The following CD226 variants were observed in gnomAD, a reference collection of about 807,000 sequenced individuals.
CD226 encodes CD226 antigen.
A neutral mutation model predicts 34.9 loss-of-function variants in CD226; 24 were observed. The observed-to-expected ratio is 0.69, with a 90% CI of 0.50 to 0.97. The LOEUF is 0.97. CD226 is among the 50% of genes least tolerant of loss of function. CD226 has a pLI of 0.00. For synonymous variants in CD226, 148 were observed against 147.4 expected, an observed-to-expected ratio of 1.00 and a Z score of -0.03; for missense variants, 397 against 412.7, an observed-to-expected ratio of 0.96 and a Z score of 0.33.
At chr18:69,923,352 T>C (rs995647091) in intron 2 of CD226, among the ~76,000 whole-genome samples, 11 of 151,818 alleles carry the variant, frequency 7.2e-5, no homozygotes, top group African/African-American at 2.4e-4. Flanking sequence ...GGGCCAGGAG[T>C]GGGATCAATG....
chr18:69,865,228 G>A (rs1294780052), intron 5 of CD226, among the ~76,000 whole-genome samples: 2 of 152,058 alleles, frequency 1.3e-5, no homozygotes, highest in Non-Finnish European at 2.9e-5. Flanking sequence ...GACCTCAGAC[G>A]ATCCGCCCAC....
chr18:69,881,416 C>T (rs1433185222), intron 3 of CD226, among the ~76,000 whole-genome samples: 1 of 152,140 alleles, frequency 6.6e-6, no homozygotes, highest in East Asian at 1.9e-4. Context: ...GGGGCCTAGT[C>T]CTGTCTTCTA....
intron 2 of CD226, among the ~76,000 whole-genome samples, chr18:69,924,450 A>T (rs1426456947): frequency 6.6e-6 from 1 of 152,108 alleles, no homozygotes; most frequent in African/African-American, 2.4e-5. Flanking sequence ...AAATTTTTGC[A>T]TAATTACAAA....
intron 2 of CD226, among the ~76,000 whole-genome samples, chr18:69,932,834 G>A (rs948602508): frequency 4.6e-5 from 7 of 151,908 alleles, no homozygotes; most frequent in African/African-American, 7.3e-5. Context: ...ACCAATTCCC[G>A]TCCTCTGCAC....
chr18:69,911,717 T>G (rs770068027), intron 2 of CD226, among the ~76,000 whole-genome samples: 2 of 152,246 alleles, frequency 1.3e-5, no homozygotes, highest in Non-Finnish European at 2.9e-5. Flanking sequence ...GTATTACTTT[T>G]TCATGTATTT....
Position 69,896,110 on chromosome 18 carries a change from A to G in CD226, c.383-65T>C, listed in dbSNP as rs1246716367. 4 of 1,529,470 alleles carry G rather than the reference A, an allele frequency of 2.6e-6. No individual in the cohort carries two copies. The Admixed American group carries it at 5.9e-5, about 23-fold the overall frequency. 94.7% of individuals were successfully genotyped at this position (1,529,470 alleles called of 1,614,324 possible). A position where few individuals can be genotyped will look rare whatever the true frequency, so the allele number is the denominator to read the frequency against. On this transcript the variant is annotated intron_variant, in intron 2 of 5. Transcript: ENST00000582621. ...ATTTTGGGACACCCAACTGGAAGAT[A>G]CTTAATCATAAAAATAATTGGTGAT...
At chr18:69,882,947 C>T in intron 3 of CD226, among the ~76,000 whole-genome samples, 1 of 152,198 alleles carries the variant, frequency 6.6e-6, no homozygotes, top group Non-Finnish European at 1.5e-5. Flanking sequence ...GGATTACAGG[C>T]AGGAGCCACC....
At chr18:69,957,350 C>CTTTTTTT (rs11373057), upstream of CD226, among the ~76,000 whole-genome samples, 3 of 149,556 alleles carry the variant, frequency 2.0e-5, no homozygotes, top group Non-Finnish European at 4.5e-5. Flanking sequence ...TCTAGATACT[C>CTTTTTTT]TTTTTTTTTT....
At chr18:69,935,612 G>A (rs577536361) in intron 2 of CD226, among the ~76,000 whole-genome samples, 2 of 152,288 alleles carry the variant, frequency 1.3e-5, no homozygotes, top group East Asian at 3.9e-4. Context: ...CTCATGTTGT[G>A]GTTGGCAGCC....
chr18:69,878,831 A>C (rs2145203398), intron 3 of CD226, among the ~76,000 whole-genome samples: 1 of 152,274 alleles, frequency 6.6e-6, no homozygotes, highest in Non-Finnish European at 1.5e-5. Context: ...CAAGAAACAA[A>C]AGCAAAATCA....
intron 3 of CD226, among the ~76,000 whole-genome samples, chr18:69,884,034 G>C (rs1038457444): frequency 5.9e-5 from 9 of 152,208 alleles, no homozygotes; most frequent in African/African-American, 1.9e-4. Flanking sequence ...AACCACATGG[G>C]TTGTATAAAC....
In CD226 at chr18:69,936,860, T is replaced by C. The variant is rs139480707; in HGVS notation, c.382+9874A>G. On this transcript the variant is annotated intron_variant, in intron 2 of 5. Transcript: ENST00000582621. ...CAAGGACTAAGGAAGCTAGCAGGAA[T>C]TGGTGACCCTTATAACAGGAGAATA... is the stretch of plus-strand genomic sequence containing the variant. Among the ~76,000 whole-genome samples, 37 of 152,330 alleles carry C rather than the reference T, an allele frequency of 2.4e-4. 1 individual carries two copies. Among genetic ancestry groups the C allele is most frequent in the African/African-American group, 7.0e-4 (29 of 41,582 alleles).
chr18:69,874,682 C>T (rs1983753409), intron 3 of CD226, among the ~76,000 whole-genome samples: 1 of 152,200 alleles, frequency 6.6e-6, no homozygotes, highest in Non-Finnish European at 1.5e-5. Flanking sequence ...CACTATGTAG[C>T]TGCATTTTTT....
intron 1 of CD226, among the ~76,000 whole-genome samples, chr18:69,953,272 G>T (rs2055869187): frequency 6.6e-6 from 1 of 152,186 alleles, no homozygotes; most frequent in Non-Finnish European, 1.5e-5. Flanking sequence ...AATGTTTACA[G>T]CAGCATTATT....
At chr18:69,888,073 T>C (rs1984665504) in intron 3 of CD226, among the ~76,000 whole-genome samples, 1 of 152,330 alleles carries the variant, frequency 6.6e-6, no homozygotes, top group East Asian at 1.9e-4. Context: ...GTCAATAATG[T>C]TTGAAATACT....
At chr18:69,956,298 A>G (rs2055896730) in intron 1 of CD226, among the ~76,000 whole-genome samples, 1 of 152,254 alleles carries the variant, frequency 6.6e-6, no homozygotes, top group African/African-American at 2.4e-5. Context: ...AAAGCTGTAA[A>G]TATTAACTAT....
intron 3 of CD226, among the ~76,000 whole-genome samples, chr18:69,883,866 T>G (rs370915197): frequency 6.6e-6 from 1 of 152,214 alleles, no homozygotes; most frequent in African/African-American, 2.4e-5. Flanking sequence ...GGATCTGGGA[T>G]TTGCTGGAAG....
intron 3 of CD226, among the ~76,000 whole-genome samples, chr18:69,882,814 C>G (rs1243659702): frequency 1.3e-5 from 2 of 152,166 alleles, no homozygotes; most frequent in East Asian, 3.9e-4. Flanking sequence ...CAGGCACATG[C>G]CACCAGGCCC....
chr18:69,956,818 T>A (rs1022597124), exon 1 of CD226: 1 of 152,264 alleles, frequency 6.6e-6, no homozygotes, highest in Admixed American at 6.5e-5. Context: ...TAAGGACTTT[T>A]ATCGTATCCT....
Sources: allele counts gnomAD v4.1 joint callset (sites outside exome capture counted in the v4.1 genomes callset), GRCh38; gene constraint gnomAD v4.1.1; transcripts MANE v1.5; gene names NCBI Gene and HGNC (gene_info 2026-07-23, HGNC 2026-07-21).